The following EDNRB variants were observed in gnomAD, a reference collection of about 807,000 sequenced individuals.
The protein encoded by EDNRB is Hirschsprung disease 2.
In EDNRB, 18 loss-of-function variants were observed where a neutral mutation model predicts 46.4. That is an observed-to-expected ratio of 0.39 (90% CI 0.27 to 0.57). The LOEUF (loss-of-function observed/expected upper bound fraction) is 0.57. Among genes scored for constraint, EDNRB ranks in the 20% least tolerant of loss-of-function variants. The probability of loss-of-function intolerance (pLI) is 0.61; values close to 1 mark genes in which losing one functional copy is unlikely to be tolerated. For synonymous variants in EDNRB, 213 were observed against 204.9 expected (o/e 1.04, Z -0.34); for missense variants, 434 against 537.5 (o/e 0.81, Z 1.90).
At chr13:77,955,928 A>C (rs996298837) in intron 1 of EDNRB, among the ~76,000 whole-genome samples, 1 of 151,654 alleles carries the variant, frequency 6.6e-6, no homozygotes, top group African/African-American at 2.4e-5. Flanking sequence ...TTTTAATCAC[A>C]GTAGTTTTTA....
At chr13:77,914,920 TG>T (rs1461457319) in intron 1 of EDNRB, among the ~76,000 whole-genome samples, 2 of 152,208 alleles carry the variant, frequency 1.3e-5, no homozygotes, top group African/African-American at 4.8e-5. Flanking sequence ...TTGACATTTC[TG>T]GGCCTCTGGG....
chr13:77,930,082 T>C (rs890110038), intron 1 of EDNRB, among the ~76,000 whole-genome samples: 1 of 152,200 alleles, frequency 6.6e-6, no homozygotes, highest in Non-Finnish European at 1.5e-5. Context: ...TATGCAATTA[T>C]TGGCATTGGT....
At chr13:77,974,624 C>A (rs1594407333) in intron 1 of EDNRB, among the ~76,000 whole-genome samples, 1 of 127,774 alleles carries the variant, frequency 7.8e-6, no homozygotes, top group African/African-American at 3.3e-5. Context: ...GCCTCTCTCT[C>A]TCTCTCTCTC....
intron 1 of EDNRB, among the ~76,000 whole-genome samples, chr13:77,904,681 A>G (rs1248868844): frequency 6.6e-6 from 1 of 151,854 alleles, no homozygotes; most frequent in Non-Finnish European, 1.5e-5. Flanking sequence ...GAAACCATCT[A>G]TTATTAAATG....
At chr13:77,966,683 T>C (rs1218935188) in intron 1 of EDNRB, among the ~76,000 whole-genome samples, 1 of 152,186 alleles carries the variant, frequency 6.6e-6, no homozygotes, top group Non-Finnish European at 1.5e-5. Context: ...AAATAAAATT[T>C]GGAACTTCTT....
At chr13:77,936,295 C>T (rs532392539) in intron 1 of EDNRB, among the ~76,000 whole-genome samples, 16 of 152,152 alleles carry the variant, frequency 1.1e-4, no homozygotes, top group Middle Eastern at 3.4e-3. Flanking sequence ...TAAAGTGTCT[C>T]GGCCTAATAA....
At chr13:77,912,508 T>C (rs1879621749) in intron 1 of EDNRB, among the ~76,000 whole-genome samples, 1 of 152,138 alleles carries the variant, frequency 6.6e-6, no homozygotes, top group Non-Finnish European at 1.5e-5. Context: ...AGCTTTCTTT[T>C]TCTTTTTCAT....
intron 1 of EDNRB, among the ~76,000 whole-genome samples, chr13:77,972,780 A>G (rs1881774007): frequency 6.6e-6 from 1 of 152,232 alleles, no homozygotes; most frequent in Non-Finnish European, 1.5e-5. Flanking sequence ...AAGAAGAAAG[A>G]GTAATAGAAT....
intron 1 of EDNRB, among the ~76,000 whole-genome samples, chr13:77,953,842 AGTATC>A (rs1881160260): frequency 6.6e-6 from 1 of 152,218 alleles, no homozygotes; most frequent in African/African-American, 2.4e-5. Context: ...GACAGATAGA[AGTATC>A]AATTCATAGG....
rs1371609741 is a variant in EDNRB, at chr13:77,918,063, C to T, written c.483+28G>A. On this transcript the variant is annotated intron_variant, in intron 1 of 6. Transcript: ENST00000646607. The surrounding 1 kb of genome is among the most constrained non-coding windows in gnomAD (Gnocchi z 4.5). ...CCAACCAGGCCCCCTTCCTCAAGCC[C>T]ACCATGATTTCAGCAGGCGCCCTTT... The T allele has an allele frequency of 6.2e-7, 1 of 1,613,544 alleles. No homozygotes were observed. Among genetic ancestry groups the T allele is most frequent in the African/African-American group, 1.3e-5 (1 of 74,922 alleles).
At chr13:77,973,519 GAT>G (rs1021701426) in intron 1 of EDNRB, among the ~76,000 whole-genome samples, 2 of 151,838 alleles carry the variant, frequency 1.3e-5, no homozygotes, top group Non-Finnish European at 2.9e-5. Context: ...AACTTTAGCC[GAT>G]GTTTACACAC....
intron 1 of EDNRB, among the ~76,000 whole-genome samples, chr13:77,971,622 C>T (rs1055956574): frequency 6.7e-6 from 1 of 148,472 alleles, no homozygotes; most frequent in African/African-American, 2.5e-5. Context: ...AAGCTTGCTG[C>T]TGTTGATTGT....
At chr13:77,972,060 C>T (rs1881752043) in intron 1 of EDNRB, among the ~76,000 whole-genome samples, 1 of 152,220 alleles carries the variant, frequency 6.6e-6, no homozygotes, top group African/African-American at 2.4e-5. Context: ...TCGTGAGAGA[C>T]ATGAAGTGAA....
rs1880453665 is a variant in EDNRB, at chr13:77,933,278, T to C, written c.-51-14654A>G. ...ACAGGCTTTGTGTGAGCAATAAAGC[T>C]TTTAATCACCTGGGTGCAGGCAGGC... On this transcript the variant is annotated intron_variant, in intron 1 of 7. Transcript: ENST00000646948. 5.3e-5 allele frequency among the ~76,000 whole-genome samples: 8 copies of C among 152,174 alleles called. 1 individual carries two copies. The highest frequency in any genetic ancestry group is 5.2e-4 in the Admixed American group (8 of 15,282).
chr13:77,947,950 T>C (rs1252743621), intron 1 of EDNRB, among the ~76,000 whole-genome samples: 2 of 152,128 alleles, frequency 1.3e-5, no homozygotes, highest in Admixed American at 6.5e-5. Context: ...CTCAATCAAA[T>C]ATATATGGTG....
chr13:77,906,665 A>C (rs1879296670), intron 1 of EDNRB, among the ~76,000 whole-genome samples: 1 of 151,992 alleles, frequency 6.6e-6, no homozygotes, highest in African/African-American at 2.4e-5. Context: ...GAATAAGAGG[A>C]TCCTCCAGCT....
upstream of EDNRB, chr13:77,919,179 G>A: frequency 1.7e-6 from 1 of 585,254 alleles, no homozygotes; most frequent in South Asian, 2.7e-5. Context: ...TCGGAAACCC[G>A]CAGAGACTTC....
rs546236952 is a variant in EDNRB, at chr13:77,895,489, C to T, written c.*2711G>A. On this transcript the variant is annotated 3_prime_UTR_variant, in exon 7 of 7. Transcript: ENST00000646607. ...TGAAACACACAGTCCAGCCCAGAGA[C>T]CAGAAATGTGGCATTTTAATTGAAT... 1 of 152,040 alleles carries T rather than the reference C, an allele frequency of 6.6e-6. No individual in the cohort carries two copies. Among genetic ancestry groups the T allele is most frequent in the South Asian group, 2.1e-4 (1 of 4,816 alleles). The allele number at this position is 152,040 out of a possible 1,614,324, so 9.4% of individuals were successfully genotyped here. A position where few individuals can be genotyped will look rare whatever the true frequency, so the allele number is the denominator to read the frequency against.
Position 77,895,549 on chromosome 13 carries a change from A to C in EDNRB, c.*2651T>G, listed in dbSNP as rs766328296. On this transcript the variant is annotated 3_prime_UTR_variant, in exon 7 of 7. Transcript: ENST00000646607. ...CTTGCTTGATAATTGTATATTTAAC[A>C]TAAATAATGTCCACTTGTCACATTT... 2.6e-5 allele frequency: 4 copies of C among 152,082 alleles called. No individual in the cohort carries two copies. Among genetic ancestry groups the C allele is most frequent in the African/African-American group, 9.7e-5 (4 of 41,448 alleles). The allele number at this position is 152,082 out of a possible 1,614,324, so 9.4% of individuals were successfully genotyped here.
Sources: gnomAD v4.1 joint callset for allele counts (sites outside exome capture counted in the v4.1 genomes callset) on GRCh38, gnomAD v4.1.1 for gene constraint, Gnocchi (gnomAD v3.1) non-coding constraint, MANE v1.5 for transcripts, NCBI Gene and HGNC (gene_info 2026-07-23, HGNC 2026-07-21) for gene names.